Variants in NXF1 observed in about 807,000 individuals in gnomAD.
NXF1 encodes nuclear RNA export factor 1, also known as mRNA export factor TAP.
In NXF1, 43 loss-of-function variants were observed where a neutral mutation model predicts 92.4. The observed-to-expected ratio is 0.47, with a 90% CI of 0.36 to 0.60. NXF1 has a LOEUF of 0.60. NXF1 is among the 20% of genes least tolerant of loss of function. The pLI is 0.00. For synonymous variants in NXF1, 288 were observed against 292.2 expected, an observed-to-expected ratio of 0.99 and a Z score of 0.15; for missense variants, 576 against 793.0, an observed-to-expected ratio of 0.73 and a Z score of 3.29.
At chr11:62,797,138 C>A (rs1311152598) in intron 13 of NXF1, 45 bp downstream of exon 13, 5 of 1,537,324 alleles carry the variant, frequency 3.3e-6, no homozygotes, top group Admixed American at 1.7e-5. Context: ...GCCCACCATT[C>A]CCCCTCAACC....
Position 62,801,337 on chromosome 11 carries a change from T to G in NXF1, c.790A>C (p.Ile264Leu). Residue 264 changes from isoleucine (I) to leucine (L), a missense_variant, in exon 8 of 21, where the codon ATC becomes CTC. Ile to Leu is a conservative substitution (Grantham distance 5, BLOSUM62 2). Around this residue, in one of 2 missense-constraint regions of NXF1, gnomAD observed 425 missense variants for 635.2 expected, o/e 0.67. Transcript: ENST00000294172. ...AATLRIIEEN[I>L]PELLSLNLSN... ...TGGGCCAAAGGCCTTACCTCAGGGA[T>G]GTTCTCTTCAATGATCCTCAGGGTA... 6.2e-7 allele frequency: 1 copy of G among 1,614,090 alleles called. No homozygotes were observed. Among genetic ancestry groups the G allele is most frequent in the Non-Finnish European group, 8.5e-7 (1 of 1,179,946 alleles).
chr11:62,798,957 A>G, intron 10 of NXF1: 2 of 1,047,836 alleles, frequency 1.9e-6, no homozygotes, highest in Non-Finnish European at 2.3e-6. Context: ...CCAGGTATCC[A>G]TCAGTTCTGC....
intron 11 of NXF1, 81 bp downstream of exon 11, chr11:62,798,458 A>G: frequency 6.4e-7 from 1 of 1,555,786 alleles, no homozygotes; most frequent in Non-Finnish European, 8.6e-7. Context: ...AAAGAAAAAG[A>G]AAAAGAAAAA....
chr11:62,799,886 A>T (rs2084459662), intron 10 of NXF1: 8 of 987,482 alleles, frequency 8.1e-6, no homozygotes, highest in Non-Finnish European at 9.6e-6. Flanking sequence ...GGGCAAGTGG[A>T]TCCTGAGAAA....
chr11:62,795,040 C>CA (rs1590949432), intron 17 of NXF1, 33 bp from the exon 18 acceptor site: 1 of 1,595,208 alleles, frequency 6.3e-7, no homozygotes, highest in Non-Finnish European at 8.6e-7. Flanking sequence ...ACCTTAGGGT[C>CA]ACTAGTGCTT....
In NXF1 at chr11:62,792,320, G is replaced by A; in HGVS notation, c.*156C>T. 1.1e-6 allele frequency: 1 copy of A among 910,136 alleles called. No individual in the cohort carries two copies. The highest frequency in any genetic ancestry group is 1.4e-5 in the South Asian group (1 of 70,970). 56.4% of individuals were successfully genotyped at this position (910,136 alleles called of 1,614,324 possible). A position where few individuals can be genotyped will look rare whatever the true frequency, so the allele number is the denominator to read the frequency against. Reference sequence around the variant, plus strand: ...AGGCTCAATCTTCTGAAGTCTTCCAGAAGGCAGGCGAGGAGAGGGATCAGG... The same window carrying A: ...AGGCTCAATCTTCTGAAGTCTTCCAAAAGGCAGGCGAGGAGAGGGATCAGG... On this transcript the variant is annotated 3_prime_UTR_variant, in exon 21 of 21. Coordinates refer to ENST00000294172, the MANE Select transcript of NXF1 (RefSeq NM_006362.5).
chr11:62,796,260 C>T (rs781322345), intron 15 of NXF1, 27 bp downstream of exon 15: 6 of 1,613,832 alleles, frequency 3.7e-6, no homozygotes, highest in Non-Finnish European at 4.2e-6. Flanking sequence ...GCCCTTTTCC[C>T]ATATTTTGTT....
Position 62,802,050 on chromosome 11 carries a change from C to T in NXF1, c.454-4G>A. ...CCCGTGTATTCTCATAGTGAAACTACAAGAGGAAACAGGAGCATTACACTG... is the reference window on the plus strand; with the variant it reads ...CCCGTGTATTCTCATAGTGAAACTATAAGAGGAAACAGGAGCATTACACTG... On this transcript the variant is annotated splice_region_variant and splice_polypyrimidine_tract_variant and intron_variant, in intron 4 of 20. Transcript: ENST00000294172. 6.2e-7 allele frequency: 1 copy of T among 1,613,642 alleles called. No homozygotes were observed. Among genetic ancestry groups the T allele is most frequent in the South Asian group, 1.1e-5 (1 of 91,062 alleles).
At chr11:62,798,820 T>C (rs1488349141) in intron 10 of NXF1, 1 of 1,325,130 alleles carries the variant, frequency 7.5e-7, no homozygotes, top group East Asian at 3.0e-5. Flanking sequence ...CAAGGAGCAG[T>C]ACTCCAAGCC....
At chr11:62,800,570 G>T in intron 9 of NXF1, 84 bp from the exon 10 acceptor site, 1 of 804,668 alleles carries the variant, frequency 1.2e-6, no homozygotes, top group Non-Finnish European at 2.0e-6. Flanking sequence ...CCTACGCTTA[G>T]CTCTGAGATC....
chr11:62,803,331 A>G, intron 3 of NXF1, 88 bp downstream of exon 3: 1 of 1,140,450 alleles, frequency 8.8e-7, no homozygotes, highest in Admixed American at 2.3e-5. Flanking sequence ...AATAATAATA[A>G]TAATTTTTGT....
chr11:62,799,445 C>T (rs781712060), intron 10 of NXF1: 4 of 985,770 alleles, frequency 4.1e-6, no homozygotes, highest in Non-Finnish European at 4.8e-6. Flanking sequence ...GGGTTCAGGC[C>T]CCTGTAGGAT....
intron 5 of NXF1, 49 bp downstream of exon 5, chr11:62,801,893 T>G: frequency 3.1e-6 from 5 of 1,605,410 alleles, no homozygotes; most frequent in Non-Finnish European, 4.3e-6. Context: ...CAGTCCCTGC[T>G]CTGAGCACCA....
chr11:62,799,429 G>C, intron 10 of NXF1: 15 of 985,736 alleles, frequency 1.5e-5, no homozygotes, highest in Non-Finnish European at 1.8e-5. Flanking sequence ...CCCTCAGAAG[G>C]TGTGAGGGTT....
At chr11:62,800,597 A>C in intron 9 of NXF1, 111 bp from the exon 10 acceptor site, 1 of 682,796 alleles carries the variant, frequency 1.5e-6, no homozygotes, top group South Asian at 2.3e-5. Context: ...AATCTTTTAA[A>C]ATTTTTTCTT....
intron 17 of NXF1, 110 bp from the exon 18 acceptor site, chr11:62,795,117 ATGAT>A (rs1246076923): frequency 3.9e-6 from 4 of 1,031,718 alleles, no homozygotes; most frequent in Non-Finnish European, 5.9e-6. Flanking sequence ...TCAGAGAGGA[ATGAT>A]TAAGTATATA....
intron 3 of NXF1, among the ~76,000 whole-genome samples, chr11:62,802,706 G>C (rs576509953): frequency 1.3e-5 from 2 of 151,990 alleles, no homozygotes; most frequent in Admixed American, 1.3e-4. Flanking sequence ...CAAAGTGCTG[G>C]GATTACAGGC....
chr11:62,794,209 A>C lies in NXF1; in HGVS notation c.1760+49T>G, dbSNP rs371065573. 8 of 1,557,364 alleles carry C rather than the reference A, an allele frequency of 5.1e-6. No individual in the cohort carries two copies. The East Asian group carries it at 1.8e-4, about 35-fold the overall frequency. ...CTGTCAGGAGCCCTCATTATTTACT[A>C]CTAGCCCTACTTCAGTGCATCCCCA... On this transcript the variant is annotated intron_variant, in intron 19 of 20. Transcript: ENST00000294172.
chr11:62,792,203 A>T lies in NXF1; in HGVS notation c.*273T>A. The stretch of plus-strand genomic sequence containing the variant: ...TCACTCTTTATATTAAAAAGTAAGG[A>T]GGTCCTGGGGTTAAGTACACAAAGC... On this transcript the variant is annotated 3_prime_UTR_variant, in exon 21 of 21. Transcript: ENST00000294172. 1.6e-6 allele frequency: 1 copy of T among 643,682 alleles called. No individual in the cohort carries two copies. The highest frequency in any genetic ancestry group is 2.7e-6 in the Non-Finnish European group (1 of 373,072). 39.9% of individuals were successfully genotyped at this position (643,682 alleles called of 1,614,324 possible).
Sources: gnomAD v4.1 joint callset for allele counts (sites outside exome capture counted in the v4.1 genomes callset) on GRCh38, gnomAD v4.1.1 for gene constraint, gnomAD v4.1.1 regional missense constraint, MANE v1.5 for transcripts, NCBI Gene and HGNC (gene_info 2026-07-23, HGNC 2026-07-21) for gene names.